Variants in L3MBTL4 observed in about 807,000 individuals in gnomAD.
The protein encoded by L3MBTL4 is L3MBTL histone methyl-lysine binding protein 4, also known as lethal(3)malignant brain tumor-like protein 4.
In L3MBTL4, 70 loss-of-function variants were observed where a neutral mutation model predicts 84.5. That is an observed-to-expected ratio of 0.83 (90% confidence interval 0.68 to 1.01). L3MBTL4 has a LOEUF of 1.01. Among genes scored for constraint, L3MBTL4 ranks in the 50% least tolerant of loss-of-function variants. The probability of loss-of-function intolerance (pLI) is 0.00; values close to 1 mark genes in which losing one functional copy is unlikely to be tolerated. For missense variants in L3MBTL4, 715 were observed against 754.8 expected (o/e 0.95, Z 0.62); for synonymous variants, 274 against 259.8 (o/e 1.05, Z -0.52).
At chr18:6,039,572 T>C (rs1418251094) in intron 16 of L3MBTL4, among the ~76,000 whole-genome samples, 1 of 152,186 alleles carries the variant, frequency 6.6e-6, no homozygotes, top group Non-Finnish European at 1.5e-5. Context: ...GTGCAGATTC[T>C]CTTAGTTGAC....
At chr18:6,089,794 A>C (rs2058381497) in intron 15 of L3MBTL4, among the ~76,000 whole-genome samples, 1 of 152,232 alleles carries the variant, frequency 6.6e-6, no homozygotes, top group African/African-American at 2.4e-5. Context: ...AATAGTAGAT[A>C]GTTATTATCA....
At chr18:6,338,754 T>C (rs887226260) in intron 1 of L3MBTL4, among the ~76,000 whole-genome samples, 2 of 151,948 alleles carry the variant, frequency 1.3e-5, no homozygotes, top group African/African-American at 4.8e-5. Context: ...ACAGGACAAA[T>C]GCTTTAAATA....
intron 16 of L3MBTL4, among the ~76,000 whole-genome samples, chr18:5,991,330 C>G (rs75271520): frequency 6.6e-6 from 1 of 152,186 alleles, no homozygotes; most frequent in Non-Finnish European, 1.5e-5. Context: ...GCCTTGCATA[C>G]AGTAGGGGCT....
intron 12 of L3MBTL4, among the ~76,000 whole-genome samples, chr18:6,186,002 A>AT (rs542901226): frequency 7.5e-6 from 1 of 134,184 alleles, no homozygotes; most frequent in Non-Finnish European, 1.5e-5. Context: ...TTATTATTTT[A>AT]TATTTTATTT....
intron 1 of L3MBTL4, among the ~76,000 whole-genome samples, chr18:6,354,513 T>C (rs1352968289): frequency 6.6e-6 from 1 of 152,112 alleles, no homozygotes; most frequent in African/African-American, 2.4e-5. Flanking sequence ...TGGGAGAGAA[T>C]ATTTGCAAAC....
chr18:6,103,281 C>T (rs28600806), intron 14 of L3MBTL4, among the ~76,000 whole-genome samples: 45,060 of 152,078 alleles, frequency 0.3, 10,234 homozygotes, highest in African/African-American at 0.64. Context: ...AAGTTTGTGT[C>T]TGTTATTAAA....
At chr18:6,388,458 T>C (rs1178963092) in intron 1 of L3MBTL4, among the ~76,000 whole-genome samples, 1 of 152,156 alleles carries the variant, frequency 6.6e-6, no homozygotes, top group African/African-American at 2.4e-5. Context: ...CCATAAAATA[T>C]TAGCAGCCTT....
At chr18:6,211,257 T>C (rs890224794) in intron 12 of L3MBTL4, among the ~76,000 whole-genome samples, 1 of 152,194 alleles carries the variant, frequency 6.6e-6, no homozygotes, top group African/African-American at 2.4e-5. Context: ...AACACAATTA[T>C]TTCTACATAT....
chr18:6,012,788 T>C (rs1156266520), intron 16 of L3MBTL4, among the ~76,000 whole-genome samples: 1 of 151,624 alleles, frequency 6.6e-6, no homozygotes, highest in Non-Finnish European at 1.5e-5. Context: ...AACAAACAAA[T>C]AAACGAACAA....
chr18:6,403,122 C>T (rs2055580215), intron 1 of L3MBTL4, among the ~76,000 whole-genome samples: 1 of 152,192 alleles, frequency 6.6e-6, no homozygotes, highest in Non-Finnish European at 1.5e-5. Context: ...TATCATCTTG[C>T]CTTTTGCACA....
chr18:6,179,435 A>T (rs2044367988), intron 12 of L3MBTL4, among the ~76,000 whole-genome samples: 1 of 152,180 alleles, frequency 6.6e-6, no homozygotes, highest in African/African-American at 2.4e-5. Context: ...GGTGCTAATA[A>T]GATTATAGTT....
chr18:5,995,453 T>G (rs1440650259), intron 16 of L3MBTL4, among the ~76,000 whole-genome samples: 1 of 152,250 alleles, frequency 6.6e-6, no homozygotes, highest in South Asian at 2.1e-4. Context: ...TTCTGATTTA[T>G]GACAATTTCA....
At chr18:6,063,005 G>A (rs1036243463) in intron 16 of L3MBTL4, among the ~76,000 whole-genome samples, 1 of 151,566 alleles carries the variant, frequency 6.6e-6, no homozygotes, top group Non-Finnish European at 1.5e-5. Flanking sequence ...TCCTCCCTGA[G>A]TCCCCAGAGT....
At chr18:6,239,165 C>T (rs2047344800) in intron 9 of L3MBTL4, among the ~76,000 whole-genome samples, 1 of 151,680 alleles carries the variant, frequency 6.6e-6, no homozygotes, top group Non-Finnish European at 1.5e-5. Flanking sequence ...AACGGTGAAA[C>T]CCTGTCTCTA....
Position 5,957,521 on chromosome 18 carries a change from T to C in L3MBTL4, c.1678-1134A>G, listed in dbSNP as rs1453169081. Among the ~76,000 whole-genome samples, 3 of 151,892 alleles carry C rather than the reference T, an allele frequency of 2.0e-5. No homozygotes were observed. In the South Asian group the frequency reaches 6.3e-4, roughly 32 times the overall value. On this transcript the variant is annotated intron_variant, in intron 18 of 18. Transcript: ENST00000317931. ...GTGACCTCAGCACAACTCCAGGGAC[T>C]ACTGCAGCGTCTCTGATTGACACAG...
At chr18:6,329,146 CTTTTCTTTTT>C (rs2143051654) in intron 1 of L3MBTL4, among the ~76,000 whole-genome samples, 1 of 97,292 alleles carries the variant, frequency 1.0e-5, no homozygotes, top group African/African-American at 4.9e-5. Context: ...TTCTTTTTTT[CTTTTCTTTTT>C]TTTTTTTTTT....
chr18:6,099,585 A>ATATATATATATATAT (rs2058743796), intron 14 of L3MBTL4, among the ~76,000 whole-genome samples: 1 of 64,760 alleles, frequency 1.5e-5, no homozygotes, highest in Non-Finnish European at 4.2e-5. Context: ...AGATAATGTA[A>ATATATATATATATAT]ATATATATAT....
In L3MBTL4 at chr18:6,169,377, C is replaced by G. The variant is rs1598992091; in HGVS notation, c.1096+2451G>C. 2.6e-5 allele frequency among the ~76,000 whole-genome samples: 4 copies of G among 152,216 alleles called. No individual in the cohort carries two copies. The East Asian group carries it at 7.7e-4, about 29-fold the overall frequency. On this transcript the variant is annotated intron_variant, in intron 13 of 18. Transcript: ENST00000317931. ...ACATGCTGCTATAAAGACACATGCACATGTATGTTTATTGCGGCACTATTC... is the reference window on the plus strand; with the variant it reads ...ACATGCTGCTATAAAGACACATGCAGATGTATGTTTATTGCGGCACTATTC...
At chr18:5,966,024 C>G (rs950864244) in intron 17 of L3MBTL4, among the ~76,000 whole-genome samples, 1 of 152,146 alleles carries the variant, frequency 6.6e-6, no homozygotes, top group Non-Finnish European at 1.5e-5. Flanking sequence ...CACCTGTACC[C>G]ACAACAGAGA....
Sources: gnomAD v4.1 joint callset for allele counts (sites outside exome capture counted in the v4.1 genomes callset) on GRCh38, gnomAD v4.1.1 for gene constraint, MANE v1.5 for transcripts, NCBI Gene and HGNC (gene_info 2026-07-23, HGNC 2026-07-21) for gene names.